EPB41L5: variants seen among roughly 807,000 people sequenced by gnomAD.
The protein encoded by EPB41L5 is band 4.1-like protein 5.
Under a neutral mutation model 106.6 loss-of-function variants are expected in EPB41L5, and 55 were observed. The ratio of observed to expected loss-of-function variants is 0.52; its 90% confidence interval spans 0.42 to 0.65. EPB41L5 has a LOEUF of 0.65. EPB41L5 is among the 30% of genes least tolerant of loss of function. The pLI is 0.00. For synonymous variants in EPB41L5, 297 were observed against 306.7 expected (o/e 0.97, Z 0.33); for missense variants, 871 against 882.1 (o/e 0.99, Z 0.16).
Position 120,018,118 on chromosome 2 carries a change from G to A in EPB41L5, c.-8-959G>A, listed in dbSNP as rs998335380. 2.0e-5 allele frequency among the ~76,000 whole-genome samples: 3 copies of A among 152,018 alleles called. No homozygotes were observed. In the South Asian group the frequency reaches 6.2e-4, roughly 32 times the overall value. The stretch of plus-strand genomic sequence containing the variant: ...TGGGACTACAGGCGCCTGCTACCAC[G>A]CCCGGCTAATTTTTTTTTGTATTTT... On this transcript the variant is annotated intron_variant, in intron 1 of 24. Transcript: ENST00000263713.
intron 20 of EPB41L5, among the ~76,000 whole-genome samples, chr2:120,152,570 A>C (rs913681345): frequency 2.0e-5 from 3 of 152,100 alleles, no homozygotes; most frequent in Non-Finnish European, 4.4e-5. Context: ...TAATTTTCTT[A>C]CAATGTCTTT....
At chr2:120,019,910 GA>G (rs200118866) in intron 2 of EPB41L5, among the ~76,000 whole-genome samples, 1 of 6,564 alleles carries the variant, frequency 1.5e-4, no homozygotes, top group South Asian at 0.031. Flanking sequence ...ATTTTGGATA[GA>G]TTTTTTTTTT....
intron 19 of EPB41L5, 30 bp from the exon 20 acceptor site, chr2:120,146,195 T>C (rs1374382022): frequency 7.4e-7 from 1 of 1,353,942 alleles, no homozygotes; most frequent in Non-Finnish European, 1.0e-6. Flanking sequence ...TCAATAAAGA[T>C]TTACTTTTTT....
At chr2:120,128,993 G>T (rs977931839) in intron 17 of EPB41L5, among the ~76,000 whole-genome samples, 1 of 152,130 alleles carries the variant, frequency 6.6e-6, no homozygotes, top group African/African-American at 2.4e-5. Context: ...GCTACACAGG[G>T]ACATAAAGAT....
chr2:120,092,131 T>G (rs1683463530), intron 13 of EPB41L5, among the ~76,000 whole-genome samples: 1 of 152,070 alleles, frequency 6.6e-6, no homozygotes. Flanking sequence ...CAGATTCAAG[T>G]GATTCTCATG....
At chr2:120,161,522 T>C (rs1687140465) in intron 21 of EPB41L5, among the ~76,000 whole-genome samples, 1 of 152,214 alleles carries the variant, frequency 6.6e-6, no homozygotes, top group African/African-American at 2.4e-5. Context: ...TTTTGAATGT[T>C]GGCTATGCTT....
chr2:120,024,863 C>T (rs1678202315), intron 2 of EPB41L5, among the ~76,000 whole-genome samples: 1 of 152,168 alleles, frequency 6.6e-6, no homozygotes, highest in Non-Finnish European at 1.5e-5. Flanking sequence ...CCGACTTGAT[C>T]ATGGTGGATG....
intron 3 of EPB41L5, among the ~76,000 whole-genome samples, chr2:120,063,027 A>G (rs1681186388): frequency 6.6e-6 from 1 of 152,162 alleles, no homozygotes; most frequent in South Asian, 2.1e-4. Context: ...TATTGTAAAT[A>G]GATACATGGT....
intron 10 of EPB41L5, among the ~76,000 whole-genome samples, chr2:120,082,659 AG>A (rs914012078): frequency 3.3e-5 from 5 of 152,106 alleles, no homozygotes; most frequent in Non-Finnish European, 4.4e-5. Flanking sequence ...TCTATCAGTT[AG>A]AATAGTTTCA....
At chr2:120,057,614 C>T (rs767374379) in intron 3 of EPB41L5, among the ~76,000 whole-genome samples, 49 of 151,506 alleles carry the variant, frequency 3.2e-4, no homozygotes, top group Non-Finnish European at 4.1e-4. Context: ...AAGACAGTTA[C>T]GCCGTCAAAC....
chr2:120,087,489 T>TA (rs1045047676), intron 11 of EPB41L5, among the ~76,000 whole-genome samples: 3 of 152,172 alleles, frequency 2.0e-5, no homozygotes, highest in African/African-American at 7.2e-5. Flanking sequence ...CTGAGGTGTA[T>TA]AAAAAATTAC....
intron 20 of EPB41L5, among the ~76,000 whole-genome samples, chr2:120,156,063 G>T (rs1289993391): frequency 6.6e-6 from 1 of 152,180 alleles, no homozygotes; most frequent in East Asian, 1.9e-4. Flanking sequence ...TTTGGTGCAG[G>T]AGCATCTATT....
At chr2:120,042,140 A>G (rs776052989) in intron 3 of EPB41L5, 30 bp downstream of exon 3, 2 of 1,541,368 alleles carry the variant, frequency 1.3e-6, no homozygotes, top group Non-Finnish European at 1.8e-6. Flanking sequence ...AAGTTTTAGC[A>G]TAAGGAGAAG....
chr2:120,081,584 C>G (rs1295254820), intron 10 of EPB41L5, among the ~76,000 whole-genome samples: 2 of 152,128 alleles, frequency 1.3e-5, no homozygotes, highest in Non-Finnish European at 2.9e-5. Context: ...ATTGTTTTGG[C>G]TATATGGGCT....
At chr2:120,118,084 C>T (rs1409350202) in intron 16 of EPB41L5, among the ~76,000 whole-genome samples, 2 of 152,176 alleles carry the variant, frequency 1.3e-5, no homozygotes, top group African/African-American at 2.4e-5. Flanking sequence ...GTTTTCCTCA[C>T]TGCTACATTT....
chr2:120,148,005 G>T (rs1403415854), intron 20 of EPB41L5, among the ~76,000 whole-genome samples: 1 of 151,554 alleles, frequency 6.6e-6, no homozygotes, highest in African/African-American at 2.4e-5. Flanking sequence ...CTGTTTTACT[G>T]TACCTCCTTT....
chr2:120,053,688 T>A (rs1002705365), intron 3 of EPB41L5, among the ~76,000 whole-genome samples: 1 of 152,192 alleles, frequency 6.6e-6, no homozygotes, highest in Non-Finnish European at 1.5e-5. Context: ...CTGAATAATA[T>A]TCTATTGTAT....
At chr2:120,081,716 T>C (rs188219931) in intron 10 of EPB41L5, among the ~76,000 whole-genome samples, 6,937 of 152,268 alleles carry the variant, frequency 0.046, 228 homozygotes, top group Non-Finnish European at 0.071. Flanking sequence ...GCTATTTTCA[T>C]GATATTGATT....
intron 20 of EPB41L5, among the ~76,000 whole-genome samples, chr2:120,147,612 G>A (rs192148637): frequency 0.014 from 1,565 of 108,888 alleles, 10 homozygotes; most frequent in Middle Eastern, 0.04. Context: ...GCAACAGAGC[G>A]AAACTCTGTC....
Sources: allele counts gnomAD v4.1 joint callset (sites outside exome capture counted in the v4.1 genomes callset), GRCh38; gene constraint gnomAD v4.1.1; transcripts MANE v1.5; gene names NCBI Gene and HGNC (gene_info 2026-07-23, HGNC 2026-07-21).